Variants in BMPR1A observed in about 807,000 individuals in gnomAD.
The protein encoded by BMPR1A is bone morphogenetic protein receptor type-1A.
In BMPR1A, 7 loss-of-function variants were observed where a neutral mutation model predicts 66.0. That is an observed-to-expected ratio of 0.11 (90% CI 0.06 to 0.20). The LOEUF (loss-of-function observed/expected upper bound fraction) is 0.20. Among genes scored for constraint, BMPR1A ranks in the 10% least tolerant of loss-of-function variants. BMPR1A has a pLI of 1.00. For synonymous variants in BMPR1A, 200 were observed against 229.7 expected, an observed-to-expected ratio of 0.87 and a Z score of 1.17; for missense variants, 408 against 669.1, an observed-to-expected ratio of 0.61 and a Z score of 4.31.
rs151019437 is a variant in BMPR1A at position 86,855,667 on chromosome 10, G to A, written c.-153+16688G>A. 372 of 693,828 alleles carry A rather than the reference G, an allele frequency of 5.4e-4. 4 individuals are homozygous for A. In the East Asian group the frequency reaches 9.2e-3, roughly 17 times the overall value. 43.0% of individuals were successfully genotyped at this position (693,828 alleles called of 1,614,324 possible). The stretch of plus-strand genomic sequence containing the variant: ...CAGCTTTCTCCTGAGTATCTAATTT[G>A]CAATTGCCTAACTGCTCAGTGACAT... On this transcript the variant is annotated intron_variant, in intron 2 of 12. Transcript: ENST00000372037.
intron 1 of BMPR1A, among the ~76,000 whole-genome samples, chr10:86,777,647 A>G (rs1356188605): frequency 3.3e-5 from 5 of 152,158 alleles, no homozygotes; most frequent in Non-Finnish European, 5.9e-5. Context: ...CAGTGTTACA[A>G]TATTGTTCAT....
chr10:86,931,280 T>TACACACACAC (rs1271685565), downstream of BMPR1A: 50 of 96,774 alleles, frequency 5.2e-4, 6 homozygotes, highest in African/African-American at 2.4e-3. Flanking sequence ...TATATATATA[T>TACACACACAC]ACACACACAC....
At chr10:86,865,149 A>C (rs941015076) in intron 2 of BMPR1A, among the ~76,000 whole-genome samples, 1 of 152,204 alleles carries the variant, frequency 6.6e-6, no homozygotes, top group Non-Finnish European at 1.5e-5. Context: ...CAAAAGAATG[A>C]ATATGCCCTG....
chr10:86,770,900 C>T (rs752796872), intron 1 of BMPR1A, among the ~76,000 whole-genome samples: 1 of 152,106 alleles, frequency 6.6e-6, no homozygotes, highest in Admixed American at 6.6e-5. Flanking sequence ...TTCCCATTAC[C>T]TTAAGTTCCC....
chr10:86,764,297 C>T (rs1841128315), intron 1 of BMPR1A, among the ~76,000 whole-genome samples: 1 of 152,064 alleles, frequency 6.6e-6, no homozygotes, highest in South Asian at 2.1e-4. Flanking sequence ...TGGTGAGGCT[C>T]TTAATGTCTG....
At chr10:86,900,898 C>T (rs1843298919) in intron 7 of BMPR1A, among the ~76,000 whole-genome samples, 1 of 152,216 alleles carries the variant, frequency 6.6e-6, no homozygotes, top group Admixed American at 6.5e-5. Flanking sequence ...CCAAATGGCC[C>T]CCAGTGATTC....
At position 86,921,701 on chromosome 10, in the gene BMPR1A, A is replaced by G. The variant is rs55763614; in HGVS notation, c.1342+6A>G. 4.2e-3 allele frequency: 6,829 copies of G among 1,614,160 alleles called. 252 individuals are homozygous for G. In the African/African-American group the frequency reaches 0.081, roughly 19 times the overall value. On this transcript the variant is annotated splice_donor_region_variant and intron_variant, in intron 11 of 12. Coordinates refer to ENST00000372037, the MANE Select transcript of BMPR1A (RefSeq NM_004329.3). ...TCGTCGTTGTATCACAGGAGGTGGG[A>G]GTTTGAGTAGTTTCTGATTATGTTG...
chr10:86,852,807 C>T (rs953992781), intron 2 of BMPR1A, among the ~76,000 whole-genome samples: 1 of 152,074 alleles, frequency 6.6e-6, no homozygotes, highest in African/African-American at 2.4e-5. Flanking sequence ...TTAATCTTCA[C>T]AAAGCCATAT....
At chr10:86,807,234 T>C (rs1392360524) in intron 1 of BMPR1A, among the ~76,000 whole-genome samples, 1 of 152,242 alleles carries the variant, frequency 6.6e-6, no homozygotes, top group African/African-American at 2.4e-5. Context: ...ATACTAATAC[T>C]TCTAATTCTA....
At chr10:86,790,227 A>G (rs1841594125) in intron 1 of BMPR1A, among the ~76,000 whole-genome samples, 3 of 97,650 alleles carry the variant, frequency 3.1e-5, no homozygotes, top group South Asian at 4.1e-4. Context: ...ATATATATAT[A>G]TATATATATC....
intron 2 of BMPR1A, chr10:86,854,926 T>C (rs1842618361): frequency 1.1e-5 from 2 of 186,368 alleles, no homozygotes; most frequent in African/African-American, 2.4e-5. Flanking sequence ...TCTTTTTTTT[T>C]CTTTTTCTTT....
chr10:86,911,085 G>T (rs1401788325), intron 7 of BMPR1A, among the ~76,000 whole-genome samples: 1 of 147,006 alleles, frequency 6.8e-6, no homozygotes, highest in Non-Finnish European at 1.5e-5. Context: ...AGCCCAGGAG[G>T]TTGAAGCTTC....
chr10:86,773,184 T>A (rs535334506), intron 1 of BMPR1A, among the ~76,000 whole-genome samples: 1 of 136,210 alleles, frequency 7.3e-6, no homozygotes, highest in East Asian at 1.9e-4. Context: ...TTTGCCACTT[T>A]TAAGTTTTTT....
intron 7 of BMPR1A, among the ~76,000 whole-genome samples, chr10:86,907,589 GA>G (rs1428842958): frequency 1.3e-5 from 2 of 152,202 alleles, no homozygotes; most frequent in African/African-American, 2.4e-5. Flanking sequence ...ATCAGCAGGT[GA>G]ATGGATAAAG....
At chr10:86,832,853 T>G (rs1237572645) in intron 1 of BMPR1A, among the ~76,000 whole-genome samples, 1 of 152,242 alleles carries the variant, frequency 6.6e-6, no homozygotes, top group Non-Finnish European at 1.5e-5. Flanking sequence ...TTGGTTATTA[T>G]GAACAAAGCT....
rs71477611 is a variant in BMPR1A, at chr10:86,826,411, A to AACACACATACAC, written c.-267-12447_-267-12446insTACACACACACA. On this transcript the variant is annotated intron_variant, in intron 1 of 12. Transcript: ENST00000372037. The stretch of plus-strand genomic sequence containing the variant: ...ATTTGATCCAGAAACCAATCAAGGA[A>AACACACATACAC]ACACACACACACACACACACACACA... Among the ~76,000 whole-genome samples, 1,357 of 147,086 alleles carry AACACACATACAC rather than the reference A, an allele frequency of 9.2e-3. 20 individuals carry two copies. Among genetic ancestry groups the AACACACATACAC allele is most frequent in the African/African-American group, 0.027 (1,088 of 39,996 alleles).
chr10:86,874,515 C>T (rs905211210), intron 2 of BMPR1A, among the ~76,000 whole-genome samples: 8 of 151,932 alleles, frequency 5.3e-5, no homozygotes, highest in Admixed American at 4.6e-4. Context: ...AAGCCATTCT[C>T]CTGCCTCAGC....
chr10:86,756,286 G>T (rs764593749), upstream of BMPR1A: 1 of 152,190 alleles, frequency 6.6e-6, no homozygotes, highest in African/African-American at 2.4e-5. Flanking sequence ...AAGCTACCCG[G>T]GCGGCAGCTG....
chr10:86,786,185 C>T (rs758939159), intron 1 of BMPR1A, among the ~76,000 whole-genome samples: 23 of 152,144 alleles, frequency 1.5e-4, no homozygotes, highest in Non-Finnish European at 2.9e-4. Context: ...CTCACTCAGC[C>T]CTTGCCTCTA....
Sources: gnomAD v4.1 joint callset for allele counts (sites outside exome capture counted in the v4.1 genomes callset) on GRCh38, gnomAD v4.1.1 for gene constraint, MANE v1.5 for transcripts, NCBI Gene and HGNC (gene_info 2026-07-23, HGNC 2026-07-21) for gene names.